Variants in COL8A1 observed in about 807,000 individuals in gnomAD.
The protein encoded by COL8A1 is collagen alpha-1(VIII) chain.
Under a neutral mutation model 42.7 loss-of-function variants are expected in COL8A1, and 21 were observed. That is an observed-to-expected ratio of 0.49 (90% CI 0.35 to 0.71). The LOEUF (loss-of-function observed/expected upper bound fraction) is 0.71, where lower values mean the gene tolerates loss of function less well. Among genes scored for constraint, COL8A1 ranks in the 30% least tolerant of loss-of-function variants. The pLI is 0.01. For missense variants in COL8A1, 788 were observed against 962.4 expected, an observed-to-expected ratio of 0.82 and a Z score of 2.40; for synonymous variants, 367 against 369.1, an observed-to-expected ratio of 0.99 and a Z score of 0.06.
chr3:99,687,357 A>C (rs1939093377), intron 1 of COL8A1, among the ~76,000 whole-genome samples: 2 of 152,258 alleles, frequency 1.3e-5, no homozygotes, highest in Non-Finnish European at 2.9e-5. Context: ...GGATTGTATG[A>C]TAATGGAGGC....
intron 1 of COL8A1, among the ~76,000 whole-genome samples, chr3:99,744,448 C>G (rs997628627): frequency 7.2e-5 from 11 of 152,126 alleles, no homozygotes; most frequent in African/African-American, 2.7e-4. Flanking sequence ...CATATTAAAG[C>G]CCCATCACAA....
intron 1 of COL8A1, among the ~76,000 whole-genome samples, chr3:99,697,384 A>C (rs1266029075): frequency 6.6e-6 from 1 of 152,342 alleles, no homozygotes; most frequent in East Asian, 1.9e-4. Context: ...TGCTACAAAG[A>C]AAGCTTTGGA....
At chr3:99,732,887 T>C (rs981128038) in intron 1 of COL8A1, among the ~76,000 whole-genome samples, 1 of 152,094 alleles carries the variant, frequency 6.6e-6, no homozygotes, top group African/African-American at 2.4e-5. Context: ...GTACAGGTAT[T>C]GGGAAAATAC....
At chr3:99,675,083 TA>T (rs1330400452) in intron 1 of COL8A1, among the ~76,000 whole-genome samples, 1 of 152,032 alleles carries the variant, frequency 6.6e-6, no homozygotes, top group Non-Finnish European at 1.5e-5. Flanking sequence ...CTGGTTTGGT[TA>T]TTTCTGATTT....
At chr3:99,756,709 C>G (rs145291075) in intron 2 of COL8A1, among the ~76,000 whole-genome samples, 1 of 152,180 alleles carries the variant, frequency 6.6e-6, no homozygotes, top group African/African-American at 2.4e-5. Context: ...CAGGCAGCTA[C>G]GCTGTGCTGA....
At chr3:99,681,954 C>CT (rs1938894907) in intron 1 of COL8A1, among the ~76,000 whole-genome samples, 1 of 152,226 alleles carries the variant, frequency 6.6e-6, no homozygotes, top group Admixed American at 6.5e-5. Flanking sequence ...GGGTGTTGGA[C>CT]TCCAGAGCCA....
intron 1 of COL8A1, among the ~76,000 whole-genome samples, chr3:99,663,231 T>C (rs1938261746): frequency 6.6e-6 from 1 of 152,144 alleles, no homozygotes; most frequent in Admixed American, 6.5e-5. Context: ...AGTGGTGCAA[T>C]CAGAGCTCAC....
At chr3:99,655,024 G>T (rs1438411737) in intron 1 of COL8A1, among the ~76,000 whole-genome samples, 1 of 152,106 alleles carries the variant, frequency 6.6e-6, no homozygotes, top group African/African-American at 2.4e-5. Context: ...TGCCATGAAG[G>T]ATGGTTTCTA....
At position 99,790,942 on chromosome 3, in the gene COL8A1, C is replaced by A. The variant is rs1404633723; in HGVS notation, c.260C>A (p.Pro87His). 1.9e-6 allele frequency: 3 copies of A among 1,614,134 alleles called. No individual in the cohort carries two copies. In the South Asian group the frequency reaches 3.3e-5, roughly 18 times the overall value. Residue 87 changes from proline to histidine, a missense_variant, in exon 3 of 4, where the codon CCC (proline) becomes CAC (histidine). Coordinates refer to ENST00000652472, the MANE Select transcript of COL8A1 (RefSeq NM_020351.4). ...TATGGCAAAGAGTATCCACACCTAC[C>A]CCAATATATGAAGGAAATTCAACCG... is the stretch of plus-strand genomic sequence containing the variant. ...LQYGKEYPHL[P>H]QYMKEIQPAP... is the part of the protein sequence containing the mutation.
chr3:99,680,869 A>T (rs781017343), intron 1 of COL8A1, among the ~76,000 whole-genome samples: 2 of 152,098 alleles, frequency 1.3e-5, no homozygotes, highest in Non-Finnish European at 2.9e-5. Flanking sequence ...GACAAACCTT[A>T]CAGAAACAAG....
chr3:99,638,694 C>G (rs1406853517), intron 1 of COL8A1, 30 bp downstream of exon 1: 1 of 152,248 alleles, frequency 6.6e-6, no homozygotes, highest in East Asian at 1.9e-4. Context: ...GGCAGCTCAC[C>G]TACCAGGGGT....
intron 1 of COL8A1, among the ~76,000 whole-genome samples, chr3:99,656,683 C>G (rs1938032023): frequency 6.6e-6 from 1 of 152,170 alleles, no homozygotes; most frequent in Non-Finnish European, 1.5e-5. Flanking sequence ...TACAATCTTT[C>G]TTTTCCAAAG....
intron 3 of COL8A1, among the ~76,000 whole-genome samples, chr3:99,791,327 G>C (rs1941996324): frequency 6.6e-6 from 1 of 152,094 alleles, no homozygotes; most frequent in South Asian, 2.1e-4. Flanking sequence ...GCACCTATTT[G>C]TGTCAGGCTC....
chr3:99,745,602 T>C (rs1268211021), intron 2 of COL8A1, among the ~76,000 whole-genome samples: 2 of 152,160 alleles, frequency 1.3e-5, no homozygotes, highest in Non-Finnish European at 2.9e-5. Flanking sequence ...AATGAAGAAA[T>C]GATTCCTTTC....
intron 1 of COL8A1, among the ~76,000 whole-genome samples, chr3:99,707,921 T>G (rs1470090958): frequency 2.0e-5 from 3 of 152,066 alleles, no homozygotes; most frequent in Non-Finnish European, 2.9e-5. Context: ...TATTATTTAT[T>G]TTTTGCAGAG....
chr3:99,696,976 ATTTTTTTTTT>A (rs34865022), intron 1 of COL8A1, among the ~76,000 whole-genome samples: 2 of 88,016 alleles, frequency 2.3e-5, no homozygotes, highest in African/African-American at 8.6e-5. Flanking sequence ...ATATACACAA[ATTTTTTTTTT>A]TTTTTTTTTT....
chr3:99,739,418 C>T (rs755632088), intron 1 of COL8A1, among the ~76,000 whole-genome samples: 1 of 152,236 alleles, frequency 6.6e-6, no homozygotes, highest in Admixed American at 6.5e-5. Flanking sequence ...ACCAACCCCA[C>T]ATTTTCCTTC....
intron 2 of COL8A1, among the ~76,000 whole-genome samples, chr3:99,784,674 G>A (rs1454932460): frequency 6.6e-6 from 1 of 152,130 alleles, no homozygotes; most frequent in African/African-American, 2.4e-5. Flanking sequence ...TCATTATGAT[G>A]GCTAAGACCT....
At chr3:99,703,109 A>G (rs533792311) in intron 1 of COL8A1, among the ~76,000 whole-genome samples, 2 of 152,298 alleles carry the variant, frequency 1.3e-5, no homozygotes, top group East Asian at 3.9e-4. Flanking sequence ...CATCAGCAAG[A>G]CCTTGGTTTT....
Sources: allele counts gnomAD v4.1 joint callset (sites outside exome capture counted in the v4.1 genomes callset), GRCh38; gene constraint gnomAD v4.1.1; transcripts MANE v1.5; gene names NCBI Gene and HGNC (gene_info 2026-07-23, HGNC 2026-07-21).